The following APOOL variants were observed in gnomAD, a reference collection of about 807,000 sequenced individuals.
APOOL encodes the protein apolipoprotein O like.
A neutral mutation model predicts 23.1 loss-of-function variants in APOOL; 12 were observed. The observed-to-expected ratio is 0.52, with a 90% CI of 0.33 to 0.84. The LOEUF is 0.84. Ranked by LOEUF, APOOL falls within the 40% of genes least tolerant of loss-of-function variation. APOOL has a pLI of 0.02. For missense variants in APOOL, 212 were observed against 199.6 expected, an observed-to-expected ratio of 1.06 and a Z score of -0.37; for synonymous variants, 77 against 69.9, an observed-to-expected ratio of 1.10 and a Z score of -0.51.
chrX:85,082,228 T>C (rs1924128682), intron 8 of APOOL, among the ~76,000 whole-genome samples: 1 of 111,932 alleles, frequency 8.9e-6, no homozygotes, highest in African/African-American at 3.3e-5. Flanking sequence ...CTTTGTGGTT[T>C]TATCTACCTT....
chrX:85,012,043 G>T (rs1259731419), intron 1 of APOOL, among the ~76,000 whole-genome samples: 1 of 111,290 alleles, frequency 9.0e-6, no homozygotes, highest in African/African-American at 3.3e-5. Context: ...TAGTTTTCTT[G>T]TAGAGATCTT....
intron 8 of APOOL, among the ~76,000 whole-genome samples, chrX:85,080,850 C>A (rs927332380): frequency 1.3e-4 from 14 of 111,504 alleles, no homozygotes; most frequent in Non-Finnish European, 2.3e-4. Context: ...TATGTAATGG[C>A]CTTCTTTGTC....
intron 5 of APOOL, 86 bp from the exon 6 acceptor site, chrX:85,067,041 G>T: frequency 1.8e-6 from 1 of 563,324 alleles, no homozygotes; most frequent in South Asian, 4.0e-5. Context: ...GGCTTACCAG[G>T]AGAGCAAAGA....
intron 1 of APOOL, among the ~76,000 whole-genome samples, chrX:85,026,723 A>C (rs1921858275): frequency 9.0e-6 from 1 of 111,544 alleles, no homozygotes; most frequent in Non-Finnish European, 1.9e-5. Flanking sequence ...TTCTTTACTA[A>C]GGCATAGCAA....
chrX:85,010,259 T>A (rs2147470753), intron 1 of APOOL, among the ~76,000 whole-genome samples: 1 of 112,403 alleles, frequency 8.9e-6, no homozygotes, highest in Admixed American at 9.4e-5. Flanking sequence ...TGTTTTAATT[T>A]GTAATTCTCC....
rs142279760 is a variant in APOOL at position 85,045,836 on chromosome X, G to T, written c.16-610G>T. On this transcript the variant is annotated intron_variant, in intron 1 of 8. Coordinates refer to ENST00000373173, the MANE Select transcript of APOOL (RefSeq NM_198450.6). Reference sequence around the variant, plus strand: ...AGGGGCAAAGGATTTATAATAGAAAGAATTCATTTTTTATGGATAATGTTA... The same window carrying T: ...AGGGGCAAAGGATTTATAATAGAAATAATTCATTTTTTATGGATAATGTTA... 1.2e-4 allele frequency among the ~76,000 whole-genome samples: 13 copies of T among 111,712 alleles called. No individual in the cohort carries two copies. In the East Asian group the frequency reaches 3.4e-3, roughly 29 times the overall value.
rs1263466003 is a variant in APOOL, at chrX:85,021,833, A to T, written c.15+17906A>T. Among the ~76,000 whole-genome samples the T allele has an allele frequency of 2.7e-5, 3 of 112,106 alleles. No individual in the cohort carries two copies. The East Asian group carries it at 8.4e-4, about 31-fold the overall frequency. ...GAAAGTAAGAGTTGATTTTTGCGAAAAGATAACATAGATAAACCTTTAGCT... is the reference window on the plus strand; with the variant it reads ...GAAAGTAAGAGTTGATTTTTGCGAATAGATAACATAGATAAACCTTTAGCT... On this transcript the variant is annotated intron_variant, in intron 1 of 8. Transcript: ENST00000373173.
At chrX:85,056,931 G>C (rs1233007607) in intron 5 of APOOL, among the ~76,000 whole-genome samples, 1 of 111,193 alleles carries the variant, frequency 9.0e-6, no homozygotes, top group Non-Finnish European at 1.9e-5. Flanking sequence ...CAGAAACACT[G>C]ATCTGTTCTC....
chrX:85,069,814 C>T (rs912746944), intron 6 of APOOL, among the ~76,000 whole-genome samples: 3 of 109,792 alleles, frequency 2.7e-5, no homozygotes, highest in Admixed American at 9.8e-5. Flanking sequence ...AAATTGAGTG[C>T]AGAATCCTTT....
intron 8 of APOOL, among the ~76,000 whole-genome samples, chrX:85,078,575 T>C (rs1397372841): frequency 9.0e-6 from 1 of 111,471 alleles, no homozygotes; most frequent in Non-Finnish European, 1.9e-5. Flanking sequence ...CGATGCGGGC[T>C]CTTTTTTGGT....
intron 5 of APOOL, among the ~76,000 whole-genome samples, chrX:85,061,718 G>A (rs1339163107): frequency 2.1e-5 from 2 of 96,999 alleles, no homozygotes; most frequent in East Asian, 3.5e-4. Context: ...CTGTGGGATT[G>A]GTGGTGATAT....
In APOOL at chrX:85,088,013, TAAA is replaced by T. The variant is rs1924375541; in HGVS notation, c.*336_*338del. 1 of 104,938 alleles carries T rather than the reference TAAA, an allele frequency of 9.5e-6. No individual in the cohort carries two copies. The highest frequency in any genetic ancestry group is 1.9e-5 in the Non-Finnish European group (1 of 52,496). 8.6% of individuals were successfully genotyped at this position (104,938 alleles called of 1,213,427 possible). ...AAATACATATATATATATGTATGTATAAATACATACATATTTATACATGTATAA... is the reference window on the plus strand; with the variant it reads ...AAATACATATATATATATGTATGTATTACATACATATTTATACATGTATAA... On this transcript the variant is annotated 3_prime_UTR_variant, in exon 9 of 9. Coordinates refer to ENST00000373173, the MANE Select transcript of APOOL (RefSeq NM_198450.6).
chrX:85,018,177 G>C (rs774414444), intron 1 of APOOL, among the ~76,000 whole-genome samples: 8 of 112,351 alleles, frequency 7.1e-5, no homozygotes, highest in Non-Finnish European at 1.3e-4. Flanking sequence ...AGGAATACCT[G>C]AAGCTAGCTA....
At chrX:85,020,115 GTGA>G (rs1186797584) in intron 1 of APOOL, among the ~76,000 whole-genome samples, 1 of 111,814 alleles carries the variant, frequency 8.9e-6, no homozygotes, top group East Asian at 2.8e-4. Context: ...AGCAGGATCG[GTGA>G]TGATGATATG....
At chrX:85,086,761 G>A (rs1381637706) in intron 8 of APOOL, among the ~76,000 whole-genome samples, 1 of 88,679 alleles carries the variant, frequency 1.1e-5, no homozygotes, top group Non-Finnish European at 2.2e-5. Flanking sequence ...GTGCAGTGGC[G>A]CGATCTCGGC....
At chrX:85,061,163 G>C (rs1279379214) in intron 5 of APOOL, among the ~76,000 whole-genome samples, 1 of 111,584 alleles carries the variant, frequency 9.0e-6, no homozygotes, top group African/African-American at 3.3e-5. Context: ...CTTTGGTTCT[G>C]TTTGTATGCC....
chrX:85,051,208 C>T (rs1035845142), intron 2 of APOOL, among the ~76,000 whole-genome samples, 181 bp from the exon 3 acceptor site: 27 of 111,457 alleles, frequency 2.4e-4, no homozygotes, highest in Admixed American at 2.2e-3. Flanking sequence ...GGGTTTTAAA[C>T]GGTCTTTATA....
chrX:85,088,404 G>C lies in APOOL; in HGVS notation c.*726G>C, dbSNP rs1288098254. ...TTTTATGGGACTTGAGCTTGGCTTT[G>C]TCCCTTGGTTTTGTTAATGTTAATT... On this transcript the variant is annotated 3_prime_UTR_variant, in exon 9 of 9. Coordinates refer to ENST00000373173, the MANE Select transcript of APOOL (RefSeq NM_198450.6). 4 of 83,071 alleles carry C rather than the reference G, an allele frequency of 4.8e-5. No homozygotes were observed. Among genetic ancestry groups the C allele is most frequent in the Non-Finnish European group, 8.7e-5 (4 of 45,892 alleles). The allele number at this position is 83,071 out of a possible 1,213,427, so 6.8% of individuals were successfully genotyped here. A position where few individuals can be genotyped will look rare whatever the true frequency, so the allele number is the denominator to read the frequency against.
rs917751742 is a variant in APOOL, at chrX:85,092,186, A to G, written c.*4508A>G. Reference sequence around the variant, plus strand: ...AAATTATCTGCTCTTTTGGATTATCACTACTGCTACTAGCCGTTAGAATAT... The same window carrying G: ...AAATTATCTGCTCTTTTGGATTATCGCTACTGCTACTAGCCGTTAGAATAT... On this transcript the variant is annotated 3_prime_UTR_variant, in exon 9 of 9. Transcript: ENST00000373173. 1.4e-5 allele frequency: 5 copies of G among 352,250 alleles called. No homozygotes were observed. The highest frequency in any genetic ancestry group is 2.4e-5 in the Non-Finnish European group (5 of 206,588). The allele number at this position is 352,250 out of a possible 1,213,427, so 29.0% of individuals were successfully genotyped here.
Sources: allele counts gnomAD v4.1 joint callset (sites outside exome capture counted in the v4.1 genomes callset), GRCh38; gene constraint gnomAD v4.1.1; transcripts MANE v1.5; gene names NCBI Gene and HGNC (gene_info 2026-07-23, HGNC 2026-07-21).